Variants in LUZP1 observed in about 807,000 individuals in gnomAD.
The protein encoded by LUZP1 is leucine zipper protein 1.
In LUZP1, 25 loss-of-function variants were observed where a neutral mutation model predicts 71.3. The observed-to-expected ratio is 0.35, with a 90% CI of 0.26 to 0.49. The LOEUF is 0.49. LUZP1 is among the 20% of genes least tolerant of loss of function. The pLI, the probability that LUZP1 is intolerant of heterozygous loss-of-function variation, is 0.99. For synonymous variants in LUZP1, 481 were observed against 506.4 expected, an observed-to-expected ratio of 0.95 and a Z score of 0.67; for missense variants, 1,142 against 1,300.8, an observed-to-expected ratio of 0.88 and a Z score of 1.88.
intron 2 of LUZP1, among the ~76,000 whole-genome samples, chr1:23,124,173 A>G (rs1268684507): frequency 1.3e-5 from 2 of 152,208 alleles, no homozygotes; most frequent in Admixed American, 1.3e-4. Flanking sequence ...CCCTTCATCA[A>G]ACAGCATTAG....
At chr1:23,123,221 C>T (rs775405411) in intron 2 of LUZP1, among the ~76,000 whole-genome samples, 2 of 152,108 alleles carry the variant, frequency 1.3e-5, no homozygotes, top group African/African-American at 4.8e-5. Flanking sequence ...TGGCCGGGCG[C>T]GGTGGCTCAC....
intron 2 of LUZP1, among the ~76,000 whole-genome samples, chr1:23,143,143 G>C (rs2124712253): frequency 6.6e-6 from 1 of 152,052 alleles, no homozygotes; most frequent in South Asian, 2.1e-4. Flanking sequence ...AGGGTAGCTG[G>C]GATTTCAGGT....
At chr1:23,117,468 T>TCTCTCC in intron 2 of LUZP1, among the ~76,000 whole-genome samples, 1 of 35,222 alleles carries the variant, frequency 2.8e-5, no homozygotes, top group African/African-American at 1.9e-4. Context: ...TCTCTCTCTC[T>TCTCTCC]CTCTCTCTCC....
intron 2 of LUZP1, among the ~76,000 whole-genome samples, chr1:23,159,682 T>C (rs1178977345): frequency 6.6e-6 from 1 of 152,188 alleles, no homozygotes; most frequent in East Asian, 1.9e-4. Context: ...ACATAGCCAA[T>C]GGCTAATAAT....
chr1:23,111,575 A>G (rs955291791), intron 2 of LUZP1, among the ~76,000 whole-genome samples: 25 of 152,136 alleles, frequency 1.6e-4, no homozygotes, highest in African/African-American at 5.6e-4. Context: ...AATAATTTTA[A>G]AAACGATCTA....
intron 2 of LUZP1, among the ~76,000 whole-genome samples, chr1:23,121,645 C>T (rs946411151): frequency 2.6e-5 from 4 of 152,094 alleles, no homozygotes; most frequent in African/African-American, 9.7e-5. Context: ...GCTTAAGCCC[C>T]AGAGGTCAAG....
chr1:23,173,111 G>A (rs1373728700), intron 1 of LUZP1, among the ~76,000 whole-genome samples: 2 of 150,976 alleles, frequency 1.3e-5, no homozygotes, highest in South Asian at 2.1e-4. Flanking sequence ...GTGAGCCACC[G>A]CCAGGCATGG....
At chr1:23,086,379 A>T (rs933333429) in exon 5 of LUZP1, 1 of 152,698 alleles carries the variant, frequency 6.5e-6, no homozygotes, top group Non-Finnish European at 1.5e-5. Flanking sequence ...TATTGCACTC[A>T]GATTTCAAGA....
chr1:23,161,435 A>G (rs1384098469), intron 2 of LUZP1, among the ~76,000 whole-genome samples: 2 of 152,214 alleles, frequency 1.3e-5, no homozygotes, highest in African/African-American at 2.4e-5. Flanking sequence ...AGCCATGCAT[A>G]CAAAGGCCCT....
intron 2 of LUZP1, among the ~76,000 whole-genome samples, chr1:23,157,197 T>C (rs1027549396): frequency 1.3e-5 from 2 of 152,022 alleles, no homozygotes; most frequent in African/African-American, 4.8e-5. Flanking sequence ...GTAGATGTGG[T>C]AGTGCGTGCC....
At chr1:23,104,535 T>C (rs955198787) in intron 3 of LUZP1, among the ~76,000 whole-genome samples, 3 of 152,092 alleles carry the variant, frequency 2.0e-5, no homozygotes, top group African/African-American at 7.2e-5. Flanking sequence ...TTTCAAACCA[T>C]CCTTCCCCGC....
chr1:23,172,676 G>A (rs778235850), intron 1 of LUZP1, among the ~76,000 whole-genome samples: 33 of 151,724 alleles, frequency 2.2e-4, no homozygotes, highest in African/African-American at 6.0e-4. Flanking sequence ...CACCACACCC[G>A]GGTAATTTTT....
intron 2 of LUZP1, among the ~76,000 whole-genome samples, chr1:23,132,688 T>A (rs1178926651): frequency 6.6e-6 from 1 of 152,064 alleles, no homozygotes; most frequent in African/African-American, 2.4e-5. Context: ...CAGAAAAAAA[T>A]TTGTTGTGAT....
chr1:23,130,420 A>G (rs1198593296), intron 2 of LUZP1, among the ~76,000 whole-genome samples: 1 of 152,130 alleles, frequency 6.6e-6, no homozygotes, highest in African/African-American at 2.4e-5. Flanking sequence ...TACCTGTACA[A>G]TATTATGAAT....
At chr1:23,144,958 T>C (rs983298707) in intron 2 of LUZP1, among the ~76,000 whole-genome samples, 1 of 152,102 alleles carries the variant, frequency 6.6e-6, no homozygotes, top group Non-Finnish European at 1.5e-5. Flanking sequence ...AGTGGTGGCA[T>C]GATCACAGCT....
At chr1:23,116,397 T>G (rs1310121898) in intron 2 of LUZP1, among the ~76,000 whole-genome samples, 1 of 152,096 alleles carries the variant, frequency 6.6e-6, no homozygotes, top group South Asian at 2.1e-4. Flanking sequence ...GGTATATGCC[T>G]GTAGTCCTAG....
intron 1 of LUZP1, among the ~76,000 whole-genome samples, chr1:23,175,437 C>A (rs1199272797): frequency 6.6e-6 from 1 of 152,210 alleles, no homozygotes; most frequent in African/African-American, 2.4e-5. Flanking sequence ...TCTCACTCGT[C>A]TTTGGACCTT....
exon 4 of LUZP1, chr1:23,092,974 T>C: frequency 2.5e-6 from 4 of 1,614,174 alleles, no homozygotes; most frequent in Non-Finnish European, 3.4e-6. Context: ...TTTGCTGCCC[T>C]CCTGTTGGTG....
intron 2 of LUZP1, among the ~76,000 whole-genome samples, chr1:23,157,934 C>A (rs1028117119): frequency 2.6e-4 from 39 of 151,916 alleles, no homozygotes; most frequent in South Asian, 4.2e-4. Context: ...ATCGCTTGAG[C>A]CCAGGAGTTC....
Sources: allele counts gnomAD v4.1 joint callset (sites outside exome capture counted in the v4.1 genomes callset), GRCh38; gene constraint gnomAD v4.1.1; transcripts MANE v1.5; gene names NCBI Gene and HGNC (gene_info 2026-07-23, HGNC 2026-07-21).